TRAF4: variants seen among roughly 807,000 people sequenced by gnomAD.
TRAF4 encodes the protein TNF receptor associated factor 4.
A neutral mutation model predicts 47.3 loss-of-function variants in TRAF4; 9 were observed. The observed-to-expected ratio is 0.19, with a 90% confidence interval of 0.11 to 0.33. TRAF4 has a LOEUF of 0.33. Among genes scored for constraint, TRAF4 ranks in the 10% least tolerant of loss-of-function variants. The probability of loss-of-function intolerance (pLI) is 1.00; values close to 1 mark genes in which losing one functional copy is unlikely to be tolerated. For synonymous variants in TRAF4, 236 were observed against 236.9 expected, an observed-to-expected ratio of 1.00 and a Z score of 0.04; for missense variants, 448 against 620.3, an observed-to-expected ratio of 0.72 and a Z score of 2.95.
rs1567768193 is a variant in TRAF4, at chr17:28,749,485, T to G, written c.1321T>G (p.Ser441Ala). ...GGGCTTTGGTTATCCCAAGTTCATC[T>G]CCCACCAGGACATTCGAAAGCGAAA... ...SLGFGYPKFI[S>A]HQDIRKRNYV... Residue 441 changes from serine to alanine, a missense_variant, in exon 7 of 7, where the codon TCC becomes GCC. Transcript: ENST00000262395. 1 of 1,613,922 alleles carries G rather than the reference T, an allele frequency of 6.2e-7. No homozygotes were observed. The highest frequency in any genetic ancestry group is 2.2e-5 in the East Asian group (1 of 44,886).
Position 28,744,055 on chromosome 17 carries a change from G to T in TRAF4, c.-58G>T. The T allele has an allele frequency of 2.5e-6, 3 of 1,189,136 alleles. No individual in the cohort carries two copies. The highest frequency in any genetic ancestry group is 2.2e-5 in the South Asian group (1 of 45,590). The allele number at this position is 1,189,136 out of a possible 1,614,324, so 73.7% of individuals were successfully genotyped here. The stretch of plus-strand genomic sequence containing the variant: ...CGGGAGCGCCGCTCCAGCGAGGCGC[G>T]GGCTGTGGGGCCGCCGCGTGCCTGG... On this transcript the variant is annotated 5_prime_UTR_variant, in exon 1 of 7. Transcript: ENST00000262395.
chr17:28,747,276 C>T lies in TRAF4; in HGVS notation c.195+12C>T, dbSNP rs1443239958. 3 of 1,612,724 alleles carry T rather than the reference C, an allele frequency of 1.9e-6. No homozygotes were observed. The African/African-American group carries it at 4.0e-5, about 21-fold the overall frequency. On this transcript the variant is annotated intron_variant, in intron 2 of 6. Transcript: ENST00000262395. Reference sequence around the variant, plus strand: ...TGGACTATGCCAAGGTGAGTCCACACTGCCAGGAAGAAGCCCAAGCACAGT... The same window carrying T: ...TGGACTATGCCAAGGTGAGTCCACATTGCCAGGAAGAAGCCCAAGCACAGT...
chr17:28,745,016 C>T (rs1020704774), intron 1 of TRAF4: 1 of 152,338 alleles, frequency 6.6e-6, no homozygotes, highest in Non-Finnish European at 1.5e-5. Context: ...TGTCTTGAAT[C>T]TCCTGCTCAC....
rs763962989 is a variant in TRAF4, at chr17:28,744,274, G to A, written c.143+19G>A. On this transcript the variant is annotated intron_variant, in intron 1 of 6. Coordinates refer to ENST00000262395, the MANE Select transcript of TRAF4 (RefSeq NM_004295.4). ...TCCTCAGGTGCTGGCCGGGGAGCAG[G>A]GGACAGCGGGGGCGGGGCGGGGCGG... 3 of 1,558,028 alleles carry A rather than the reference G, an allele frequency of 1.9e-6. No homozygotes were observed. The highest frequency in any genetic ancestry group is 2.0e-4 in the Middle Eastern group (1 of 4,902).
Position 28,748,925 on chromosome 17 carries a change from G to A in TRAF4, c.781-20G>A. ...GATAACTCTCCTCCCTTCCCCCATG[G>A]CCTGGGGCTTTGCCAACAGTGCCCT... On this transcript the variant is annotated intron_variant, in intron 6 of 6. Coordinates refer to ENST00000262395, the MANE Select transcript of TRAF4 (RefSeq NM_004295.4). 1 of 1,596,872 alleles carries A rather than the reference G, an allele frequency of 6.3e-7. No individual in the cohort carries two copies.
At position 28,748,001 on chromosome 17, in the gene TRAF4, G is replaced by A; in HGVS notation, c.301-16G>A. 1.9e-6 allele frequency: 3 copies of A among 1,614,130 alleles called. No individual in the cohort carries two copies. Among genetic ancestry groups the A allele is most frequent in the Non-Finnish European group, 2.5e-6 (3 of 1,180,030 alleles). On this transcript the variant is annotated splice_polypyrimidine_tract_variant and intron_variant, in intron 3 of 6. Transcript: ENST00000262395. ...ACCTCTCCCTTGGCAGGCACTAATTGCAGCCTTCCCACCAGGGCCACCTGA... is the reference window on the plus strand; with the variant it reads ...ACCTCTCCCTTGGCAGGCACTAATTACAGCCTTCCCACCAGGGCCACCTGA...
Position 28,747,919 on chromosome 17 carries a change from G to A in TRAF4, c.272G>A (p.Arg91His), listed in dbSNP as rs944093006. 6.8e-6 allele frequency: 11 copies of A among 1,614,004 alleles called. No homozygotes were observed. In the Admixed American group the frequency reaches 8.3e-5, roughly 12 times the overall value. The change falls in exon 3 of 7, where the codon CGC becomes CAC. Residue 91 changes from arginine to histidine, a missense_variant. Physicochemically the swap from Arg to His is conservative, Grantham distance 29 (BLOSUM62 0). Coordinates refer to ENST00000262395, the MANE Select transcript of TRAF4 (RefSeq NM_004295.4). Reference protein sequence around the residue: ...IRCIHSEEGCRWSGPLRHLQG... With the variant: ...IRCIHSEEGCHWSGPLRHLQG... ...TGCATCCACAGTGAGGAGGGCTGCCGCTGGAGTGGGCCACTACGTCATCTA... is the reference window on the plus strand; with the variant it reads ...TGCATCCACAGTGAGGAGGGCTGCCACTGGAGTGGGCCACTACGTCATCTA...
intron 2 of TRAF4, chr17:28,747,618 T>C (rs2034535195): frequency 5.1e-6 from 3 of 593,758 alleles, no homozygotes; most frequent in Non-Finnish European, 9.0e-6. Flanking sequence ...AGCAGGCTGA[T>C]TGGCTGCCTC....
chr17:28,749,317 C>T lies in TRAF4; in HGVS notation c.1153C>T (p.Arg385Cys), dbSNP rs763108533. ...TCTCCTTGAGTGGCCCTTTGCCCGC[C>T]GTGTCACCTTCTCCCTGCTGGATCA... ...DNLLEWPFAR[R>C]VTFSLLDQSD... The change falls in exon 7 of 7, where the codon CGT becomes TGT. Residue 385 changes from arginine (R) to cysteine (C), a missense_variant. Transcript: ENST00000262395. 1.7e-5 allele frequency: 27 copies of T among 1,613,974 alleles called. No individual in the cohort carries two copies. The highest frequency in any genetic ancestry group is 2.2e-5 in the Non-Finnish European group (26 of 1,180,050).
intron 6 of TRAF4, 90 bp from the exon 7 acceptor site, chr17:28,748,855 C>T: frequency 6.7e-7 from 1 of 1,497,250 alleles, no homozygotes; most frequent in Non-Finnish European, 8.9e-7. Context: ...TGGGTGCCTG[C>T]TACCCTGTAC....
intron 6 of TRAF4, 76 bp from the exon 7 acceptor site, chr17:28,748,869 C>CT: frequency 6.6e-7 from 1 of 1,521,540 alleles, no homozygotes; most frequent in Non-Finnish European, 8.8e-7. Context: ...CCTGTACCCA[C>CT]TCCTCTCCTC....
Position 28,748,676 on chromosome 17 carries a change from C to T in TRAF4, c.780+10C>T. On this transcript the variant is annotated intron_variant, in intron 6 of 6. Transcript: ENST00000262395. ...CGGCTGCAAGCACAGGGTGAGATGC[C>T]CCTTTTCCTGTCAGCCCCCTTTTGC... is the stretch of plus-strand genomic sequence containing the variant. The T allele has an allele frequency of 6.2e-7, 1 of 1,607,454 alleles. No individual in the cohort carries two copies. Among genetic ancestry groups the T allele is most frequent in the Non-Finnish European group, 8.5e-7 (1 of 1,179,648 alleles).
chr17:28,750,107 T>A lies in TRAF4; in HGVS notation c.*530T>A, dbSNP rs986068579. 2 of 557,768 alleles carry A rather than the reference T, an allele frequency of 3.6e-6. No individual in the cohort carries two copies. The highest frequency in any genetic ancestry group is 6.4e-6 in the Non-Finnish European group (2 of 313,842). The allele number at this position is 557,768 out of a possible 1,614,324, so 34.6% of individuals were successfully genotyped here. A position where few individuals can be genotyped will look rare whatever the true frequency, so the allele number is the denominator to read the frequency against. The stretch of plus-strand genomic sequence containing the variant: ...TTGCTTCCAGCCTGACTTACCTGGG[T>A]TGGTTAGGTCCCTGGGAGGCTCAAC... On this transcript the variant is annotated 3_prime_UTR_variant, in exon 7 of 7. Coordinates refer to ENST00000262395, the MANE Select transcript of TRAF4 (RefSeq NM_004295.4).
chr17:28,745,510 G>C (rs2034498622), intron 1 of TRAF4: 1 of 151,946 alleles, frequency 6.6e-6, no homozygotes, highest in African/African-American at 2.4e-5. Flanking sequence ...AGGAGCGGGG[G>C]AGGGGGCCGT....
rs751864484 is a variant in TRAF4 at position 28,749,166 on chromosome 17, C to T, written c.1002C>T (p.Ser334=). ...AKAKPNLECF[S]PAFYTHKYGY... is the part of the protein sequence containing the mutation. ...CCAAGCCCAACCTTGAGTGCTTCAG[C>T]CCAGCCTTCTACACACATAAGTATG... is the stretch of plus-strand genomic sequence containing the variant. Residue 334 remains serine (S), a synonymous_variant, in exon 7 of 7, where the codon AGC becomes AGT. Transcript: ENST00000262395. 1.1e-5 allele frequency: 18 copies of T among 1,614,098 alleles called. No individual in the cohort carries two copies. The highest frequency in any genetic ancestry group is 1.5e-5 in the Non-Finnish European group (18 of 1,180,042).
chr17:28,749,570 TC>T lies in TRAF4; in HGVS notation c.1407del (p.Ser470AlafsTer15). ...RAAVELPRKI[L>X]S is the part of the protein sequence containing the mutation. ...GCTGTTGAACTGCCCCGGAAGATCCTCAGCTGAGTGCAGGTGGGGTTCGAGG... is the reference window on the plus strand; with the variant it reads ...GCTGTTGAACTGCCCCGGAAGATCCTAGCTGAGTGCAGGTGGGGTTCGAGG... On this transcript the variant is annotated frameshift_variant, in exon 7 of 7. Transcript: ENST00000262395. LOFTEE classifies it high-confidence loss of function. 1 of 1,611,260 alleles carries T rather than the reference TC, an allele frequency of 6.2e-7. No homozygotes were observed. The highest frequency in any genetic ancestry group is 1.1e-5 in the South Asian group (1 of 90,796).
chr17:28,747,730 A>G, intron 2 of TRAF4, 113 bp from the exon 3 acceptor site: 1 of 998,312 alleles, frequency 1.0e-6, no homozygotes, highest in Non-Finnish European at 1.5e-6. Flanking sequence ...CAAAGAGCCC[A>G]AGAGAGGCTA....
At position 28,750,110 on chromosome 17, in the gene TRAF4, G is replaced by C. The variant is rs971907842; in HGVS notation, c.*533G>C. 15 of 552,452 alleles carry C rather than the reference G, an allele frequency of 2.7e-5. No individual in the cohort carries two copies. The highest frequency in any genetic ancestry group is 4.5e-5 in the Non-Finnish European group (14 of 310,916). The allele number at this position is 552,452 out of a possible 1,614,324, so 34.2% of individuals were successfully genotyped here. On this transcript the variant is annotated 3_prime_UTR_variant, in exon 7 of 7. Coordinates refer to ENST00000262395, the MANE Select transcript of TRAF4 (RefSeq NM_004295.4). Reference sequence around the variant, plus strand: ...CTTCCAGCCTGACTTACCTGGGTTGGTTAGGTCCCTGGGAGGCTCAACCAA... The same window carrying C: ...CTTCCAGCCTGACTTACCTGGGTTGCTTAGGTCCCTGGGAGGCTCAACCAA...
rs754583080 is a variant in TRAF4, at chr17:28,747,835, A to G, written c.196-8A>G. The G allele has an allele frequency of 1.1e-5, 18 of 1,609,252 alleles. No homozygotes were observed. The African/African-American group carries it at 2.0e-4, about 18-fold the overall frequency. On this transcript the variant is annotated splice_polypyrimidine_tract_variant and splice_region_variant and intron_variant, in intron 2 of 6. Coordinates refer to ENST00000262395, the MANE Select transcript of TRAF4 (RefSeq NM_004295.4). The stretch of plus-strand genomic sequence containing the variant: ...GACCCTGGCCAGTTCCCCCATCCCT[A>G]CCCCCAGATCTACCCAGACCCGGAG...
Sources: gnomAD v4.1 joint callset for allele counts on GRCh38, gnomAD v4.1.1 for gene constraint, MANE v1.5 for transcripts, NCBI Gene and HGNC (gene_info 2026-07-23, HGNC 2026-07-21) for gene names.